PLCH1: variants seen among roughly 807,000 people sequenced by gnomAD.
The protein encoded by PLCH1 is 1-phosphatidylinositol 4,5-bisphosphate phosphodiesterase eta-1.
Under a neutral mutation model 126.7 loss-of-function variants are expected in PLCH1, and 60 were observed. The observed-to-expected ratio is 0.47, with a 90% CI of 0.38 to 0.59. The LOEUF is 0.59. PLCH1 is among the 20% of genes least tolerant of loss of function. The probability of loss-of-function intolerance (pLI) is 0.00; values close to 1 mark genes in which losing one functional copy is unlikely to be tolerated. For synonymous variants in PLCH1, 719 were observed against 734.9 expected, an observed-to-expected ratio of 0.98 and a Z score of 0.35; for missense variants, 1,723 against 2,040.0, an observed-to-expected ratio of 0.84 and a Z score of 2.99.
At chr3:155,505,566 T>C (rs1439695144) in intron 12 of PLCH1, among the ~76,000 whole-genome samples, 2 of 152,102 alleles carry the variant, frequency 1.3e-5, no homozygotes, top group Non-Finnish European at 2.9e-5. Flanking sequence ...TATATGCCCA[T>C]AGATGCTAAT....
intron 5 of PLCH1, among the ~76,000 whole-genome samples, chr3:155,585,058 C>T (rs1731180326): frequency 6.6e-6 from 1 of 152,162 alleles, no homozygotes; most frequent in African/African-American, 2.4e-5. Context: ...CTCAGGTTCC[C>T]TATACAGCAA....
chr3:155,549,254 T>A (rs1313827246), intron 10 of PLCH1, among the ~76,000 whole-genome samples: 2 of 152,232 alleles, frequency 1.3e-5, no homozygotes, highest in Non-Finnish European at 2.9e-5. Context: ...CACCTACTGC[T>A]CTTTCACACG....
rs141379740 is a variant in PLCH1 at position 155,639,517 on chromosome 3, C to A, written c.80-43139G>T. On this transcript the variant is annotated intron_variant, in intron 2 of 22. Transcript: ENST00000460012. ...AATCACAGTCCTCGGTACCAAAGAC[C>A]AAACTCCAAGCCTATATGAAGACAT... is the stretch of plus-strand genomic sequence containing the variant. Among the ~76,000 whole-genome samples, 761 of 152,166 alleles carry A rather than the reference C, an allele frequency of 5.0e-3. 2 individuals carry two copies. The highest frequency in any genetic ancestry group is 0.027 in the Middle Eastern group (8 of 294).
intron 7 of PLCH1, among the ~76,000 whole-genome samples, chr3:155,566,859 A>G (rs994732840): frequency 6.6e-6 from 1 of 152,180 alleles, no homozygotes; most frequent in Admixed American, 6.5e-5. Flanking sequence ...GTTTTCAAAA[A>G]TCATTTGGTA....
rs1720095885 is a variant in PLCH1 at position 155,514,849 on chromosome 3, G to T, written c.1506C>A (p.Phe502Leu). The change falls in exon 12 of 23, where the codon TTC becomes TTA. Residue 502 changes from phenylalanine to leucine, a missense_variant. This residue lies in a region of PLCH1 where 776 missense variants were observed against 1,062.9 expected (regional missense o/e 0.73). Transcript: ENST00000460012. ...NGTTEHQVES[F>L]IRKKLESLLK... is the part of the protein sequence containing the mutation. ...ACAGTGACTCCAGTTTTTTCCTTATGAAAGATTCCACCTGATGCTCAGTGG... is the reference window on the plus strand; with the variant it reads ...ACAGTGACTCCAGTTTTTTCCTTATTAAAGATTCCACCTGATGCTCAGTGG... 2 of 1,610,420 alleles carry T rather than the reference G, an allele frequency of 1.2e-6. No individual in the cohort carries two copies. The highest frequency in any genetic ancestry group is 2.7e-5 in the African/African-American group (2 of 74,780).
rs776284552 is a variant in PLCH1, at chr3:155,745,070, T to A, written c.-271A>T. 12 of 152,654 alleles carry A rather than the reference T, an allele frequency of 7.9e-5. No homozygotes were observed. The highest frequency in any genetic ancestry group is 1.3e-4 in the Non-Finnish European group (9 of 68,478). 9.5% of individuals were successfully genotyped at this position (152,654 alleles called of 1,614,324 possible). A position where few individuals can be genotyped will look rare whatever the true frequency, so the allele number is the denominator to read the frequency against. ...CCGCCGCCACAACCTGCTTTCTCATTCAAATCCTCACGCTCACACAGGAGC... is the reference window on the plus strand; with the variant it reads ...CCGCCGCCACAACCTGCTTTCTCATACAAATCCTCACGCTCACACAGGAGC... On this transcript the variant is annotated 5_prime_UTR_variant, in exon 1 of 23. Coordinates refer to ENST00000460012, the MANE Select transcript of PLCH1 (RefSeq NM_014996.4).
rs1560180336 is a variant in PLCH1, at chr3:155,568,297, G to A, written c.799C>T (p.Leu267Phe). 11 of 1,537,480 alleles carry A rather than the reference G, an allele frequency of 7.2e-6. No homozygotes were observed. Among genetic ancestry groups the A allele is most frequent in the Non-Finnish European group, 9.9e-6 (11 of 1,112,790 alleles). ...KMNNVTTDYC[L>F]DIIKKFEVSE... ...ACTTCAAACTTCTTTATGATGTCAA[G>A]ACAATAGTCCGTTGTCACATTATTC... Residue 267 changes from leucine (L) to phenylalanine (F), a missense_variant, in exon 7 of 23, where the codon CTT becomes TTT. This residue lies in a region of PLCH1 where 776 missense variants were observed against 1,062.9 expected (regional missense o/e 0.73). Transcript: ENST00000460012.
intron 6 of PLCH1, among the ~76,000 whole-genome samples, chr3:155,573,268 G>C (rs1186475399): frequency 1.3e-5 from 2 of 152,162 alleles, no homozygotes; most frequent in African/African-American, 4.8e-5. Flanking sequence ...TGGGAACTGA[G>C]TATTGGAAGA....
intron 2 of PLCH1, among the ~76,000 whole-genome samples, chr3:155,679,025 T>C (rs1744303048): frequency 6.6e-6 from 1 of 152,136 alleles, no homozygotes; most frequent in African/African-American, 2.4e-5. Context: ...CATCATAAAG[T>C]GTAATAGGTA....
chr3:155,550,151 T>A (rs970211508), intron 9 of PLCH1, among the ~76,000 whole-genome samples, 193 bp from the exon 10 acceptor site: 1 of 152,232 alleles, frequency 6.6e-6, no homozygotes, highest in Non-Finnish European at 1.5e-5. Context: ...AAATATACTT[T>A]GCTAAGCATA....
At chr3:155,713,694 G>A (rs949015749) in intron 1 of PLCH1, among the ~76,000 whole-genome samples, 6 of 152,190 alleles carry the variant, frequency 3.9e-5, no homozygotes, top group Admixed American at 2.0e-4. Flanking sequence ...ACCCAGAGCT[G>A]CAGCCCAATC....
At chr3:155,650,874 C>T (rs1471934136) in intron 2 of PLCH1, among the ~76,000 whole-genome samples, 1 of 152,060 alleles carries the variant, frequency 6.6e-6, no homozygotes, top group Non-Finnish European at 1.5e-5. Context: ...CCCATCTCTA[C>T]TAAAAATATA....
At chr3:155,578,977 C>A (rs1393938535) in intron 6 of PLCH1, among the ~76,000 whole-genome samples, 1 of 152,098 alleles carries the variant, frequency 6.6e-6, no homozygotes, top group Admixed American at 6.6e-5. Context: ...AAAGTGTGAA[C>A]AAACACGCCT....
chr3:155,576,768 C>CT (rs1251753809), intron 6 of PLCH1, among the ~76,000 whole-genome samples: 1 of 152,092 alleles, frequency 6.6e-6, no homozygotes, highest in Non-Finnish European at 1.5e-5. Context: ...ACTAACGACT[C>CT]TTTCTACACA....
At chr3:155,579,886 GTCTC>G (rs1278721825) in intron 6 of PLCH1, among the ~76,000 whole-genome samples, 7 of 151,338 alleles carry the variant, frequency 4.6e-5, no homozygotes, top group South Asian at 4.2e-4. Context: ...CTGTCTGTCT[GTCTC>G]TCTTTCTCTC....
intron 5 of PLCH1, among the ~76,000 whole-genome samples, chr3:155,584,649 G>A (rs1054898232): frequency 2.6e-5 from 4 of 152,080 alleles, no homozygotes; most frequent in African/African-American, 7.2e-5. Context: ...GGGAATGAAC[G>A]GCATTTTGAA....
At chr3:155,651,983 A>G (rs1740757003) in intron 2 of PLCH1, among the ~76,000 whole-genome samples, 1 of 152,252 alleles carries the variant, frequency 6.6e-6, no homozygotes, top group Non-Finnish European at 1.5e-5. Context: ...GTTCTGCCTC[A>G]GAGTCTTTGG....
chr3:155,471,412 C>T (rs942324845), intron 21 of PLCH1, among the ~76,000 whole-genome samples: 2 of 151,008 alleles, frequency 1.3e-5, no homozygotes, highest in African/African-American at 2.4e-5. Context: ...TACAGGAGCA[C>T]CCAGATTCAT....
chr3:155,524,749 G>C (rs890351536), intron 10 of PLCH1, among the ~76,000 whole-genome samples: 1 of 152,122 alleles, frequency 6.6e-6, no homozygotes, highest in East Asian at 1.9e-4. Flanking sequence ...AGGCCCAGTG[G>C]CTCACACCTG....
Sources: allele counts gnomAD v4.1 joint callset (sites outside exome capture counted in the v4.1 genomes callset), GRCh38; gene constraint gnomAD v4.1.1; regional missense constraint gnomAD v4.1.1; transcripts MANE v1.5; gene names NCBI Gene and HGNC (gene_info 2026-07-23, HGNC 2026-07-21).